Variants in RBFOX1 observed in about 807,000 individuals in gnomAD.
RBFOX1 encodes the protein RNA binding fox-1 homolog 1.
In RBFOX1, 8 loss-of-function variants were observed where a neutral mutation model predicts 57.7. That is an observed-to-expected ratio of 0.14 (90% CI 0.08 to 0.25). RBFOX1 has a LOEUF of 0.25. RBFOX1 is among the 10% of genes least tolerant of loss of function. The pLI is 1.00. For synonymous variants in RBFOX1, 326 were observed against 222.4 expected (o/e 1.47, Z -4.15); for missense variants, 611 against 548.5 (o/e 1.11, Z -1.14).
chr16:5,337,107 G>A (rs1049070076), intron 1 of RBFOX1, among the ~76,000 whole-genome samples: 39 of 152,288 alleles, frequency 2.6e-4, no homozygotes, highest in African/African-American at 8.4e-4. Flanking sequence ...AGAGATGGCC[G>A]GCTGGGGACG....
chr16:7,493,526 A>G (rs1219791078), intron 4 of RBFOX1, among the ~76,000 whole-genome samples: 2 of 152,230 alleles, frequency 1.3e-5, no homozygotes, highest in African/African-American at 4.8e-5. Context: ...TAGTATCCAG[A>G]TGAGTCCAGT....
chr16:6,248,373 G>A (rs1032934268), intron 1 of RBFOX1, among the ~76,000 whole-genome samples: 5 of 152,084 alleles, frequency 3.3e-5, no homozygotes, highest in Admixed American at 6.6e-5. Flanking sequence ...CCTGTCTCCC[G>A]GTGATGTATA....
At chr16:5,918,163 A>G (rs1400598753) in intron 4 of RBFOX1, among the ~76,000 whole-genome samples, 1 of 152,154 alleles carries the variant, frequency 6.6e-6, no homozygotes, top group African/African-American at 2.4e-5. Flanking sequence ...TTTATTGCCC[A>G]GGTTGGAATG....
intron 3 of RBFOX1, among the ~76,000 whole-genome samples, chr16:6,735,213 T>C (rs546702748): frequency 6.6e-6 from 1 of 152,300 alleles, no homozygotes; most frequent in East Asian, 1.9e-4. Flanking sequence ...GGTGGCTTAT[T>C]GCTAGATGCA....
At chr16:6,528,257 T>A (rs1409445405) in intron 2 of RBFOX1, among the ~76,000 whole-genome samples, 1 of 152,230 alleles carries the variant, frequency 6.6e-6, no homozygotes, top group Non-Finnish European at 1.5e-5. Context: ...TACCAGCATA[T>A]GTGTGCATGC....
At chr16:6,038,107 C>G (rs375552629) in intron 1 of RBFOX1, 2 of 151,798 alleles carry the variant, frequency 1.3e-5, no homozygotes, top group East Asian at 1.9e-4. Context: ...ACCATATTTT[C>G]TAAACTTTTT....
At chr16:6,202,186 G>T (rs1703881234) in intron 1 of RBFOX1, among the ~76,000 whole-genome samples, 1 of 152,156 alleles carries the variant, frequency 6.6e-6, no homozygotes, top group African/African-American at 2.4e-5. Context: ...GAATCCACTG[G>T]ATGTTTTTGC....
intron 3 of RBFOX1, among the ~76,000 whole-genome samples, chr16:5,751,697 T>C (rs548608118): frequency 2.6e-5 from 4 of 152,210 alleles, no homozygotes; most frequent in Admixed American, 2.6e-4. Context: ...GGAAAAATAC[T>C]GTTAGCTGTA....
rs114454674 is a variant in RBFOX1, at chr16:5,873,223, C to G, written c.351+5888C>G. Among the ~76,000 whole-genome samples the G allele has an allele frequency of 7.6e-3, 1,153 of 152,280 alleles. 9 individuals carry two copies. Among genetic ancestry groups the G allele is most frequent in the African/African-American group, 0.026 (1,096 of 41,530 alleles). On this transcript the variant is annotated intron_variant, in intron 4 of 19. Coordinates refer to the RBFOX1 transcript ENST00000641259. ...ATTAAATAACCTAATTAGGAATCAT[C>G]GAGACCTGTTGTTTTGAAAGCTTGC... is the stretch of plus-strand genomic sequence containing the variant.
At chr16:6,946,827 C>T (rs2079625473) in intron 3 of RBFOX1, among the ~76,000 whole-genome samples, 1 of 152,156 alleles carries the variant, frequency 6.6e-6, no homozygotes, top group Non-Finnish European at 1.5e-5. Context: ...AGGCTGGTCT[C>T]CAGTTTCTGA....
intron 3 of RBFOX1, among the ~76,000 whole-genome samples, chr16:5,855,341 A>G (rs1005253684): frequency 6.6e-6 from 1 of 152,194 alleles, no homozygotes; most frequent in African/African-American, 2.4e-5. Flanking sequence ...TTCTTTTGGT[A>G]ACCTTACGGT....
chr16:5,710,993 G>A (rs1048564988), intron 3 of RBFOX1, among the ~76,000 whole-genome samples: 6 of 152,194 alleles, frequency 3.9e-5, no homozygotes, highest in African/African-American at 1.2e-4. Flanking sequence ...CAGTTCTTGT[G>A]CCTGACCCTA....
intron 2 of RBFOX1, among the ~76,000 whole-genome samples, chr16:5,582,689 C>G (rs1017079062): frequency 1.3e-5 from 2 of 151,756 alleles, no homozygotes. Context: ...TAGCTGGGAC[C>G]ACAGGCATGA....
At chr16:7,333,268 C>G (rs1421121946) in intron 4 of RBFOX1, among the ~76,000 whole-genome samples, 1 of 152,210 alleles carries the variant, frequency 6.6e-6, no homozygotes, top group East Asian at 1.9e-4. Flanking sequence ...CGACATCTCT[C>G]ATGGCTGAAT....
intron 14 of RBFOX1, among the ~76,000 whole-genome samples, chr16:7,700,356 A>G (rs1428390292): frequency 1.3e-5 from 2 of 152,120 alleles, no homozygotes; most frequent in East Asian, 1.9e-4. Flanking sequence ...ATCTCCATTT[A>G]TAGATGGTAT....
At chr16:5,388,468 A>C (rs967983471) in intron 1 of RBFOX1, among the ~76,000 whole-genome samples, 4 of 152,172 alleles carry the variant, frequency 2.6e-5, no homozygotes, top group African/African-American at 9.7e-5. Flanking sequence ...CTTTAAACAC[A>C]TGAAAATGAT....
chr16:7,057,727 G>A (rs1598342617), intron 4 of RBFOX1, among the ~76,000 whole-genome samples: 1 of 152,158 alleles, frequency 6.6e-6, no homozygotes, highest in East Asian at 1.9e-4. Context: ...CACCATAGAT[G>A]CCGGGTGCAG....
chr16:5,284,870 A>T (rs116788749), intron 1 of RBFOX1, among the ~76,000 whole-genome samples: 1 of 144,950 alleles, frequency 6.9e-6, no homozygotes, highest in Non-Finnish European at 1.5e-5. Flanking sequence ...AAGGGACTTC[A>T]TGCTTTTCTC....
intron 4 of RBFOX1, among the ~76,000 whole-genome samples, chr16:7,114,887 T>G (rs1338197622): frequency 6.6e-6 from 1 of 152,210 alleles, no homozygotes; most frequent in African/African-American, 2.4e-5. Context: ...TTGGCTTGTC[T>G]TAGAGCAAAC....
Sources: gnomAD v4.1 joint callset for allele counts (sites outside exome capture counted in the v4.1 genomes callset) on GRCh38, gnomAD v4.1.1 for gene constraint, MANE v1.5 for transcripts, NCBI Gene and HGNC (gene_info 2026-07-23, HGNC 2026-07-21) for gene names.